ROBO2: variants seen among roughly 807,000 people sequenced by gnomAD.
ROBO2 encodes the protein roundabout guidance receptor 2.
ROBO2 carries 53 observed loss-of-function variants against 160.8 expected under a neutral mutation model. That is an observed-to-expected ratio of 0.33 (90% CI 0.26 to 0.41). The LOEUF (loss-of-function observed/expected upper bound fraction) is 0.41. Among genes scored for constraint, ROBO2 ranks in the 10% least tolerant of loss-of-function variants. ROBO2 has a pLI of 1.00. For synonymous variants in ROBO2, 664 were observed against 611.7 expected (o/e 1.09, Z -1.26); for missense variants, 1,577 against 1,722.4 (o/e 0.92, Z 1.49).
intron 2 of ROBO2, among the ~76,000 whole-genome samples, chr3:76,049,171 C>A (rs752624320): frequency 6.6e-6 from 1 of 151,722 alleles, no homozygotes; most frequent in Admixed American, 6.6e-5. Flanking sequence ...AAGGAGCCCC[C>A]TTTTCCGTTT....
intron 2 of ROBO2, among the ~76,000 whole-genome samples, chr3:77,106,442 T>C (rs566939441): frequency 1.3e-4 from 20 of 152,246 alleles, no homozygotes; most frequent in South Asian, 4.1e-4. Context: ...TTAGGAAATA[T>C]AATTTCGTGC....
chr3:75,975,419 A>T (rs904129464), intron 2 of ROBO2, among the ~76,000 whole-genome samples: 2 of 151,500 alleles, frequency 1.3e-5, no homozygotes, highest in South Asian at 4.1e-4. Context: ...GTACTAATAT[A>T]TTTCGGTAGC....
chr3:76,020,763 C>T (rs1261867533), intron 2 of ROBO2, among the ~76,000 whole-genome samples: 1 of 151,778 alleles, frequency 6.6e-6, no homozygotes, highest in Non-Finnish European at 1.5e-5. Flanking sequence ...CTTGTAGCTC[C>T]AGCTTTCCTT....
At chr3:77,075,523 T>A (rs534715341) in intron 1 of ROBO2, among the ~76,000 whole-genome samples, 181 of 152,218 alleles carry the variant, frequency 1.2e-3, no homozygotes, top group Middle Eastern at 6.8e-3. Context: ...CTTTACTGTA[T>A]GTTTCCTTTA....
chr3:77,040,943 G>A, intron 1 of ROBO2, 97 bp downstream of exon 1: 6 of 1,518,256 alleles, frequency 4.0e-6, no homozygotes, highest in Non-Finnish European at 5.5e-6. Flanking sequence ...TAAATGAAAT[G>A]ACATTATGTC....
intron 9 of ROBO2, among the ~76,000 whole-genome samples, chr3:77,558,568 G>T (rs775772): frequency 0.56 from 84,990 of 151,874 alleles, 23,854 homozygotes; most frequent in Middle Eastern, 0.68. Context: ...AAAATAAAGA[G>T]ATGAGACTGA....
chr3:77,579,911 T>A lies in ROBO2; in HGVS notation c.2329-36T>A, dbSNP rs115290129. On this transcript the variant is annotated intron_variant, in intron 15 of 25. Transcript: ENST00000461745. ...AGTCTCGTTACCAGAAACGATAATC[T>A]TATATCCATGTGTTATTCACTTTCC... 4 of 1,578,736 alleles carry A rather than the reference T, an allele frequency of 2.5e-6. No homozygotes were observed. The African/African-American group carries it at 4.0e-5, about 16-fold the overall frequency.
At chr3:77,566,800 G>A (rs556449707) in intron 12 of ROBO2, among the ~76,000 whole-genome samples, 3 of 152,128 alleles carry the variant, frequency 2.0e-5, no homozygotes, top group Admixed American at 6.6e-5. Flanking sequence ...GAAAACCCAC[G>A]TGTTGTGTCT....
At chr3:77,359,308 CA>C (rs1217297775) in intron 2 of ROBO2, among the ~76,000 whole-genome samples, 2 of 152,144 alleles carry the variant, frequency 1.3e-5, no homozygotes, top group African/African-American at 4.8e-5. Flanking sequence ...TGGGAACTAT[CA>C]TAGACTGTGG....
At chr3:75,957,306 T>C (rs1022883011) in intron 2 of ROBO2, among the ~76,000 whole-genome samples, 3 of 151,322 alleles carry the variant, frequency 2.0e-5, no homozygotes, top group Admixed American at 1.3e-4. Context: ...TTTGTTCCTA[T>C]TATTGAAATT....
intron 2 of ROBO2, among the ~76,000 whole-genome samples, chr3:76,229,179 C>T (rs1301545304): frequency 2.0e-5 from 3 of 151,956 alleles, no homozygotes; most frequent in African/African-American, 7.3e-5. Flanking sequence ...TATTAGAAAA[C>T]TAATGATTTC....
chr3:77,054,348 T>C (rs1470154013), intron 1 of ROBO2, among the ~76,000 whole-genome samples: 2 of 152,188 alleles, frequency 1.3e-5, no homozygotes, highest in Non-Finnish European at 2.9e-5. Context: ...AATTGATCTA[T>C]TAAATTTAAT....
At chr3:77,141,272 G>A (rs149514946) in intron 2 of ROBO2, among the ~76,000 whole-genome samples, 7 of 151,028 alleles carry the variant, frequency 4.6e-5, no homozygotes, top group African/African-American at 1.7e-4. Flanking sequence ...AAGATGGGAT[G>A]TACATATAAA....
intron 2 of ROBO2, among the ~76,000 whole-genome samples, chr3:76,896,024 C>T (rs2074741825): frequency 6.6e-6 from 1 of 152,102 alleles, no homozygotes; most frequent in Non-Finnish European, 1.5e-5. Context: ...CTGACCCCAC[C>T]CCGGGAGCTC....
intron 2 of ROBO2, among the ~76,000 whole-genome samples, chr3:76,306,526 G>C (rs949673775): frequency 4.6e-5 from 7 of 152,078 alleles, no homozygotes; most frequent in Non-Finnish European, 7.4e-5. Context: ...TATAATTATG[G>C]AGATTCCTAA....
intron 2 of ROBO2, among the ~76,000 whole-genome samples, chr3:76,163,880 G>T (rs887458576): frequency 6.6e-6 from 1 of 151,902 alleles, no homozygotes; most frequent in Admixed American, 6.6e-5. Context: ...TGAAGGCTTG[G>T]GTGGCTGTGG....
At chr3:76,032,279 C>G (rs546140155) in intron 2 of ROBO2, among the ~76,000 whole-genome samples, 183 of 152,040 alleles carry the variant, frequency 1.2e-3, no homozygotes, top group Non-Finnish European at 1.8e-3. Flanking sequence ...AGTGGTCTAT[C>G]TACTTTGTTG....
intron 2 of ROBO2, among the ~76,000 whole-genome samples, chr3:77,306,455 T>A (rs892727472): frequency 6.6e-6 from 1 of 152,160 alleles, no homozygotes; most frequent in Admixed American, 6.5e-5. Context: ...TGATGAAATA[T>A]ATCTCACATT....
At chr3:76,718,250 G>T (rs912130282) in intron 2 of ROBO2, among the ~76,000 whole-genome samples, 2 of 152,194 alleles carry the variant, frequency 1.3e-5, no homozygotes, top group African/African-American at 2.4e-5. Context: ...TAGGAGTCCT[G>T]TGAGAACAGC....
Sources: gnomAD v4.1 joint callset for allele counts (sites outside exome capture counted in the v4.1 genomes callset) on GRCh38, gnomAD v4.1.1 for gene constraint, MANE v1.5 for transcripts, NCBI Gene and HGNC (gene_info 2026-07-23, HGNC 2026-07-21) for gene names.